ELP4: variants seen among roughly 807,000 people sequenced by gnomAD.
The protein encoded by ELP4 is elongator complex protein 4.
A neutral mutation model predicts 48.9 loss-of-function variants in ELP4; 51 were observed. That is an observed-to-expected ratio of 1.04 (90% CI 0.83 to 1.32). The LOEUF is 1.32. Among genes scored for constraint, ELP4 ranks in the 40% most tolerant of loss-of-function variants. ELP4 has a pLI of 0.00. For missense variants in ELP4, 519 were observed against 514.6 expected (o/e 1.01, Z -0.08); for synonymous variants, 210 against 189.2 (o/e 1.11, Z -0.90).
chr11:31,715,119 A>G (rs1169235643), intron 9 of ELP4: 1 of 250,808 alleles, frequency 4.0e-6, no homozygotes, highest in Non-Finnish European at 7.5e-6. Context: ...TCTTTCTCAG[A>G]TTTAAAATAA....
At chr11:31,779,791 G>C (rs1174481119) in intron 9 of ELP4, 2 of 152,174 alleles carry the variant, frequency 1.3e-5, no homozygotes, top group Non-Finnish European at 2.9e-5. Context: ...TCCCAGATCC[G>C]TTTGCCTACA....
intron 9 of ELP4, among the ~76,000 whole-genome samples, chr11:31,671,685 G>A (rs1197094382): frequency 1.3e-5 from 2 of 152,120 alleles, no homozygotes; most frequent in Non-Finnish European, 2.9e-5. Context: ...TTAGATGGCA[G>A]ACCACTAGAC....
chr11:31,711,687 A>G (rs1486393182), intron 9 of ELP4, among the ~76,000 whole-genome samples: 3 of 152,096 alleles, frequency 2.0e-5, no homozygotes, highest in Admixed American at 6.6e-5. Context: ...TTAGACTACA[A>G]TTTTCAAATA....
chr11:31,717,945 G>A (rs777120610), intron 9 of ELP4, among the ~76,000 whole-genome samples: 41 of 152,122 alleles, frequency 2.7e-4, no homozygotes, highest in Non-Finnish European at 5.0e-4. Context: ...CTCATATTGA[G>A]TTTACAATCA....
chr11:31,542,849 A>C (rs1367499156), intron 3 of ELP4, among the ~76,000 whole-genome samples: 1 of 152,236 alleles, frequency 6.6e-6, no homozygotes, highest in Non-Finnish European at 1.5e-5. Flanking sequence ...AAGAAATGAC[A>C]TGATAGAATT....
chr11:31,727,213 G>A (rs1483654879), intron 9 of ELP4, among the ~76,000 whole-genome samples: 1 of 151,618 alleles, frequency 6.6e-6, no homozygotes, highest in Non-Finnish European at 1.5e-5. Flanking sequence ...GGAGACTAAC[G>A]AGGAAAGCTG....
At chr11:31,576,842 A>G (rs1957289976) in intron 3 of ELP4, among the ~76,000 whole-genome samples, 1 of 152,226 alleles carries the variant, frequency 6.6e-6, no homozygotes, top group Admixed American at 6.5e-5. Flanking sequence ...GAAAGAAGGA[A>G]AGACCAAAAA....
intron 5 of ELP4, among the ~76,000 whole-genome samples, chr11:31,616,654 AT>A (rs556939994): frequency 9.9e-5 from 15 of 152,242 alleles, no homozygotes; most frequent in African/African-American, 3.1e-4. Context: ...ATGGTAAAAA[AT>A]ATTTGCAAAT....
chr11:31,702,342 TAATA>T (rs1287364337), intron 9 of ELP4, among the ~76,000 whole-genome samples: 16 of 80,860 alleles, frequency 2.0e-4, no homozygotes, highest in African/African-American at 7.0e-4. Flanking sequence ...ATAATAATAA[TAATA>T]ACAATAATAA....
chr11:31,663,575 T>C (rs1041422274), intron 9 of ELP4: 8 of 152,024 alleles, frequency 5.3e-5, no homozygotes, highest in African/African-American at 1.9e-4. Context: ...AGCAGAAGTA[T>C]ACTCAAAAAC....
At chr11:31,581,542 C>T (rs1957392587) in intron 3 of ELP4, among the ~76,000 whole-genome samples, 1 of 152,148 alleles carries the variant, frequency 6.6e-6, no homozygotes, top group Non-Finnish European at 1.5e-5. Flanking sequence ...ATGTTCCTGA[C>T]GTGTTCACAC....
At chr11:31,686,208 C>T (rs1946156573) in intron 9 of ELP4, among the ~76,000 whole-genome samples, 1 of 151,730 alleles carries the variant, frequency 6.6e-6, no homozygotes, top group Admixed American at 6.6e-5. Context: ...TTAAGGTTAT[C>T]ACCTTCTTTC....
chr11:31,631,472 AT>A (rs774632688), intron 6 of ELP4, among the ~76,000 whole-genome samples: 21 of 152,188 alleles, frequency 1.4e-4, no homozygotes, highest in Non-Finnish European at 2.4e-4. Context: ...TTTACAAAAC[AT>A]TTATTTAGTT....
At chr11:31,618,968 T>C (rs2134023988) in intron 5 of ELP4, among the ~76,000 whole-genome samples, 1 of 151,930 alleles carries the variant, frequency 6.6e-6, no homozygotes, top group East Asian at 1.9e-4. Flanking sequence ...ATAAAAGCAG[T>C]TTTAATGGAT....
rs961807529 is a variant in ELP4, at chr11:31,784,426, C to T, written c.*902C>T. 1 of 152,038 alleles carries T rather than the reference C, an allele frequency of 6.6e-6. No homozygotes were observed. Among genetic ancestry groups the T allele is most frequent in the South Asian group, 2.1e-4 (1 of 4,824 alleles). The allele number at this position is 152,038 out of a possible 1,614,324, so 9.4% of individuals were successfully genotyped here. A position where few individuals can be genotyped will look rare whatever the true frequency, so the allele number is the denominator to read the frequency against. ...CATGTCTTTGGGGGGTATAGCATAT[C>T]GAACCAGTTTTCATATGAAACATTA... On this transcript the variant is annotated 3_prime_UTR_variant, in exon 10 of 10. Transcript: ENST00000640961.
chr11:31,596,951 G>T (rs2133992478), intron 4 of ELP4, among the ~76,000 whole-genome samples: 1 of 152,154 alleles, frequency 6.6e-6, no homozygotes, highest in African/African-American at 2.4e-5. Flanking sequence ...ACACTGTCCT[G>T]CTATTTTTCT....
At chr11:31,749,918 T>G (rs1947683705) in intron 9 of ELP4, among the ~76,000 whole-genome samples, 3 of 151,290 alleles carry the variant, frequency 2.0e-5, no homozygotes, top group Admixed American at 2.0e-4. Flanking sequence ...TGCAGTGGCG[T>G]GATCTCGGCT....
At chr11:31,717,938 A>T (rs1946874926) in intron 9 of ELP4, among the ~76,000 whole-genome samples, 1 of 152,122 alleles carries the variant, frequency 6.6e-6, no homozygotes, top group South Asian at 2.1e-4. Flanking sequence ...TAGTTGACTC[A>T]TATTGAGTTT....
intron 9 of ELP4, chr11:31,763,353 C>A: frequency 2.0e-6 from 3 of 1,493,860 alleles, no homozygotes; most frequent in Non-Finnish European, 2.7e-6. Flanking sequence ...TCTAATCCTT[C>A]TCCATCCCTT....
Sources: allele counts gnomAD v4.1 joint callset (sites outside exome capture counted in the v4.1 genomes callset), GRCh38; gene constraint gnomAD v4.1.1; transcripts MANE v1.5; gene names NCBI Gene and HGNC (gene_info 2026-07-23, HGNC 2026-07-21).